Variants in CEACAM3 observed in about 807,000 individuals in gnomAD.
CEACAM3 encodes the protein cell adhesion molecule CEACAM3.
Under a neutral mutation model 30.1 loss-of-function variants are expected in CEACAM3, and 32 were observed. That is an observed-to-expected ratio of 1.06 (90% CI 0.80 to 1.43). The LOEUF is 1.43. CEACAM3 is among the 40% of genes most tolerant of loss of function. The probability of loss-of-function intolerance (pLI) is 0.00; values close to 1 mark genes in which losing one functional copy is unlikely to be tolerated. For synonymous variants in CEACAM3, 134 were observed against 127.2 expected (o/e 1.05, Z -0.36); for missense variants, 290 against 316.3 (o/e 0.92, Z 0.63).
At chr19:41,797,021 A>T in intron 1 of CEACAM3, 1 of 350,938 alleles carries the variant, frequency 2.8e-6, no homozygotes, top group Non-Finnish European at 5.1e-6. Context: ...GTGATACTTT[A>T]AATAAAAATA....
At chr19:41,797,510 ACT>A (rs1352676910) in intron 1 of CEACAM3, 77 bp from the exon 2 acceptor site, 23 of 1,528,080 alleles carry the variant, frequency 1.5e-5, no homozygotes, top group Non-Finnish European at 1.9e-5. Flanking sequence ...GGGTGAAGAG[ACT>A]CTCTCAGGAC....
chr19:41,811,137 C>G (rs1555827577), intron 6 of CEACAM3, 35 bp from the exon 7 acceptor site: 2 of 1,607,100 alleles, frequency 1.2e-6, no homozygotes, highest in East Asian at 2.2e-5. Flanking sequence ...TCTGAGGAGA[C>G]TAGAGGGGTC....
chr19:41,799,161 A>G (rs2073127223), intron 2 of CEACAM3, among the ~76,000 whole-genome samples: 1 of 152,170 alleles, frequency 6.6e-6, no homozygotes, highest in Non-Finnish European at 1.5e-5. Context: ...CTCATGTTGA[A>G]ATGTGATCCC....
intron 4 of CEACAM3, 72 bp from the exon 5 acceptor site, chr19:41,810,251 C>T: frequency 6.5e-7 from 1 of 1,543,646 alleles, no homozygotes; most frequent in African/African-American, 1.4e-5. Flanking sequence ...AGCTGAGGAC[C>T]CCCTACGCCT....
intron 2 of CEACAM3, among the ~76,000 whole-genome samples, chr19:41,804,196 A>T (rs2073180419): frequency 6.6e-6 from 1 of 152,226 alleles, no homozygotes; most frequent in African/African-American, 2.4e-5. Flanking sequence ...ACATACATGT[A>T]ATGGGAATAC....
intron 6 of CEACAM3, 72 bp downstream of exon 6, chr19:41,810,969 G>C (rs774091687): frequency 6.9e-7 from 1 of 1,439,336 alleles, no homozygotes; most frequent in Non-Finnish European, 9.7e-7. Context: ...ACTGGCATCG[G>C]CTGAGCTCTG....
At chr19:41,806,942 C>A (rs2073205681) in intron 2 of CEACAM3, among the ~76,000 whole-genome samples, 1 of 152,206 alleles carries the variant, frequency 6.6e-6, no homozygotes. Context: ...CCGCCTCGGC[C>A]TCCCAAAGTG....
Position 41,797,828 on chromosome 19 carries a change from T to C in CEACAM3, c.304T>C (p.Tyr102His), listed in dbSNP as rs751630128. 5.6e-6 allele frequency: 9 copies of C among 1,613,010 alleles called. No individual in the cohort carries two copies. The highest frequency in any genetic ancestry group is 3.3e-5 in the South Asian group (3 of 91,086). ...CGCATACAGCGGTCGAGAGACAATA[T>C]ACACCAATGCATCCCTGCTGATCCA... ...GAAYSGRETI[Y>H]TNASLLIQNV... Residue 102 changes from tyrosine to histidine, a missense_variant, in exon 2 of 7, where the codon TAC becomes CAC. By Grantham distance (83) the Tyr-to-His change is moderately conservative. Coordinates refer to ENST00000357396, the MANE Select transcript of CEACAM3 (RefSeq NM_001815.5).
chr19:41,801,719 G>A (rs889685040), intron 2 of CEACAM3, among the ~76,000 whole-genome samples: 2 of 152,120 alleles, frequency 1.3e-5, no homozygotes, highest in Admixed American at 6.6e-5. Flanking sequence ...GCCTCTGAGT[G>A]GGGGCCACAA....
chr19:41,808,407 C>T (rs929756938), intron 2 of CEACAM3, among the ~76,000 whole-genome samples: 3 of 152,180 alleles, frequency 2.0e-5, no homozygotes, highest in Admixed American at 6.5e-5. Flanking sequence ...CTGGAACTGG[C>T]ACATGGAAGG....
At chr19:41,809,889 T>C in intron 3 of CEACAM3, 76 bp from the exon 4 acceptor site, 1 of 1,479,392 alleles carries the variant, frequency 6.8e-7, no homozygotes, top group Non-Finnish European at 9.4e-7. Context: ...TGGGTTTCCC[T>C]TCTTGTCCCC....
rs566139642 is a variant in CEACAM3 at position 41,807,167 on chromosome 19, G to T, written c.425-1646G>T. 2.6e-6 allele frequency: 4 copies of T among 1,525,178 alleles called. No homozygotes were observed. In the African/African-American group the frequency reaches 5.9e-5, roughly 22 times the overall value. The allele number at this position is 1,525,178 out of a possible 1,614,324, so 94.5% of individuals were successfully genotyped here. On this transcript the variant is annotated intron_variant, in intron 2 of 6. Transcript: ENST00000357396. ...CAACTCCAACCCCAAGGAGGACAAGGATGCTGTGGCCTTCACCTGTGAACC... is the reference window on the plus strand; with the variant it reads ...CAACTCCAACCCCAAGGAGGACAAGTATGCTGTGGCCTTCACCTGTGAACC...
chr19:41,807,706 C>T, intron 2 of CEACAM3: 1 of 900,304 alleles, frequency 1.1e-6, no homozygotes, highest in Non-Finnish European at 1.5e-6. Flanking sequence ...CACTGTGGCT[C>T]TTCCACAGAC....
chr19:41,810,235 T>C, intron 4 of CEACAM3, 88 bp from the exon 5 acceptor site: 1 of 1,497,736 alleles, frequency 6.7e-7, no homozygotes, highest in Non-Finnish European at 9.2e-7. Flanking sequence ...TGCTCAGGTA[T>C]CTTAGAGCTG....
intron 2 of CEACAM3, among the ~76,000 whole-genome samples, chr19:41,801,720 G>A (rs1181642358): frequency 1.3e-5 from 2 of 152,098 alleles, no homozygotes; most frequent in Non-Finnish European, 1.5e-5. Flanking sequence ...CCTCTGAGTG[G>A]GGGCCACAAG....
chr19:41,800,007 G>A (rs1555825806), intron 2 of CEACAM3, among the ~76,000 whole-genome samples: 1 of 152,068 alleles, frequency 6.6e-6, no homozygotes, highest in African/African-American at 2.4e-5. Context: ...GGTCACCCAG[G>A]CGCCGAGGCA....
chr19:41,811,063 C>T, intron 6 of CEACAM3, 109 bp from the exon 7 acceptor site: 1 of 1,326,972 alleles, frequency 7.5e-7, no homozygotes, highest in Non-Finnish European at 1.1e-6. Flanking sequence ...CCCCTGAGCA[C>T]AGCCAGGTTC....
At chr19:41,811,003 A>G (rs1259891217) in intron 6 of CEACAM3, 106 bp downstream of exon 6, 1 of 1,314,420 alleles carries the variant, frequency 7.6e-7, no homozygotes, top group South Asian at 1.3e-5. Flanking sequence ...TGCTGTGAAA[A>G]TAAGAACGGG....
intron 2 of CEACAM3, among the ~76,000 whole-genome samples, chr19:41,801,975 G>T (rs782689733): frequency 5.9e-5 from 9 of 152,168 alleles, no homozygotes; most frequent in Non-Finnish European, 1.2e-4. Flanking sequence ...AATCATCCTT[G>T]CTTCAAAGTT....
Sources: gnomAD v4.1 joint callset for allele counts (sites outside exome capture counted in the v4.1 genomes callset) on GRCh38, gnomAD v4.1.1 for gene constraint, MANE v1.5 for transcripts, NCBI Gene and HGNC (gene_info 2026-07-23, HGNC 2026-07-21) for gene names.